BICC1: variants seen among roughly 807,000 people sequenced by gnomAD.
The protein encoded by BICC1 is BicC family RNA binding protein 1.
Under a neutral mutation model 111.0 loss-of-function variants are expected in BICC1, and 43 were observed. The ratio of observed to expected loss-of-function variants is 0.39; its 90% CI spans 0.30 to 0.50. The LOEUF is 0.50. Among genes scored for constraint, BICC1 ranks in the 20% least tolerant of loss-of-function variants. BICC1 has a pLI of 0.88. For synonymous variants in BICC1, 467 were observed against 434.4 expected (o/e 1.07, Z -0.93); for missense variants, 1,091 against 1,203.2 (o/e 0.91, Z 1.38).
chr10:58,783,369 C>T (rs1245531299), intron 3 of BICC1, among the ~76,000 whole-genome samples: 9 of 152,036 alleles, frequency 5.9e-5, no homozygotes, highest in Admixed American at 5.9e-4. Flanking sequence ...TCGTTTCCTC[C>T]CTTCTTTCCT....
intron 1 of BICC1, among the ~76,000 whole-genome samples, chr10:58,579,881 A>G (rs984123363): frequency 6.8e-3 from 19 of 2,806 alleles, no homozygotes; most frequent in South Asian, 0.12. Context: ...CATTTTTTCC[A>G]TAATAGAATA....
At chr10:58,536,575 AG>A (rs1345210461) in intron 1 of BICC1, among the ~76,000 whole-genome samples, 1 of 151,826 alleles carries the variant, frequency 6.6e-6, no homozygotes, top group African/African-American at 2.4e-5. Context: ...CAGTGTTAAG[AG>A]GCGTTTATAG....
At chr10:58,568,427 T>G (rs1294037047) in intron 1 of BICC1, among the ~76,000 whole-genome samples, 3 of 152,144 alleles carry the variant, frequency 2.0e-5, no homozygotes, top group African/African-American at 7.2e-5. Flanking sequence ...CTGGGTCACA[T>G]TTGTTCCAAG....
At chr10:58,714,463 CTGTT>C (rs918015324) in intron 3 of BICC1, among the ~76,000 whole-genome samples, 1 of 152,176 alleles carries the variant, frequency 6.6e-6, no homozygotes, top group Non-Finnish European at 1.5e-5. Flanking sequence ...GCAATTTAAA[CTGTT>C]TGTTTATTCT....
intron 1 of BICC1, among the ~76,000 whole-genome samples, chr10:58,607,341 T>TAAATAAATAAATAAATAAATAAATAAAG (rs879657768): frequency 0.011 from 1,631 of 151,780 alleles, 15 homozygotes; most frequent in South Asian, 0.031. Flanking sequence ...AATAAATAAA[T>TAAATAAATAAATAAATAAATAAATAAAG]AAAACTGTCA....
intron 1 of BICC1, among the ~76,000 whole-genome samples, chr10:58,540,395 A>C (rs564467271): frequency 1.2e-4 from 19 of 152,070 alleles, no homozygotes; most frequent in African/African-American, 4.3e-4. Flanking sequence ...AGAAGAAAAC[A>C]AAGACTCAAA....
intron 3 of BICC1, among the ~76,000 whole-genome samples, chr10:58,713,901 T>C (rs1343103460): frequency 1.3e-5 from 2 of 152,254 alleles, no homozygotes; most frequent in Admixed American, 1.3e-4. Flanking sequence ...AGGATTTTAC[T>C]GTGATTTATA....
At chr10:58,671,607 T>C (rs1284059039) in intron 2 of BICC1, among the ~76,000 whole-genome samples, 1 of 152,134 alleles carries the variant, frequency 6.6e-6, no homozygotes, top group Non-Finnish European at 1.5e-5. Context: ...TTGGGACAAA[T>C]TGGAAATTAG....
intron 1 of BICC1, among the ~76,000 whole-genome samples, chr10:58,547,131 G>A (rs1843161926): frequency 1.3e-5 from 2 of 152,170 alleles, no homozygotes; most frequent in South Asian, 4.1e-4. Context: ...TAATGAGCCA[G>A]TAATGATGCA....
At chr10:58,813,513 G>A (rs1266229775) in intron 17 of BICC1, among the ~76,000 whole-genome samples, 1 of 152,122 alleles carries the variant, frequency 6.6e-6, no homozygotes, top group African/African-American at 2.4e-5. Flanking sequence ...AAAATTGGAA[G>A]GAGTCTCAGC....
chr10:58,543,468 A>G (rs1355011968), intron 1 of BICC1, among the ~76,000 whole-genome samples: 1 of 152,056 alleles, frequency 6.6e-6, no homozygotes, highest in African/African-American at 2.4e-5. Context: ...CACTATTGTA[A>G]TGTACACTGA....
At chr10:58,608,257 G>A (rs1022806652) in intron 1 of BICC1, among the ~76,000 whole-genome samples, 8 of 152,016 alleles carry the variant, frequency 5.3e-5, no homozygotes, top group African/African-American at 1.5e-4. Flanking sequence ...CGGAACACCT[G>A]TGTGAAGAGT....
At chr10:58,625,550 A>C (rs1402651380) in intron 2 of BICC1, among the ~76,000 whole-genome samples, 1 of 152,188 alleles carries the variant, frequency 6.6e-6, no homozygotes, top group African/African-American at 2.4e-5. Context: ...TATTCTTTGA[A>C]TATATTGGAT....
At chr10:58,585,439 A>G (rs1177909189) in intron 1 of BICC1, among the ~76,000 whole-genome samples, 1 of 152,226 alleles carries the variant, frequency 6.6e-6, no homozygotes, top group Non-Finnish European at 1.5e-5. Context: ...AGTGATTTAT[A>G]CTATTTTCTG....
At chr10:58,598,269 G>T (rs10763562) in intron 1 of BICC1, among the ~76,000 whole-genome samples, 43,855 of 151,840 alleles carry the variant, frequency 0.29, 6,642 homozygotes, top group East Asian at 0.44. Flanking sequence ...ACCACAAAAC[G>T]ACAGTAACTG....
At position 58,789,761 on chromosome 10, in the gene BICC1, C is replaced by T; in HGVS notation, c.875C>T (p.Ala292Val). ...CCTGTGAGCACACAACTAGATATTGCAGCTCAACATCATCTCTTTATGATG... is the reference window on the plus strand; with the variant it reads ...CCTGTGAGCACACAACTAGATATTGTAGCTCAACATCATCTCTTTATGATG... ...AIPVSTQLDI[A>V]AQHHLFMMGR... The change falls in exon 8 of 21, where the codon GCA (alanine) becomes GTA (valine). Residue 292 changes from alanine (A) to valine (V), a missense_variant. Ala to Val is a moderately conservative substitution (Grantham distance 64). Around this residue, in one of 3 missense-constraint regions of BICC1, gnomAD observed 843 missense variants for 900.8 expected, o/e 0.94. Transcript: ENST00000373886. 6.2e-7 allele frequency: 1 copy of T among 1,614,058 alleles called. No individual in the cohort carries two copies. The highest frequency in any genetic ancestry group is 8.5e-7 in the Non-Finnish European group (1 of 1,179,960).
rs1200966692 is a variant in BICC1 at position 58,587,747 on chromosome 10, A to G, written c.191-33108A>G. 3.3e-5 allele frequency among the ~76,000 whole-genome samples: 5 copies of G among 152,228 alleles called. No homozygotes were observed. In the East Asian group the frequency reaches 7.7e-4, roughly 23 times the overall value. Reference sequence around the variant, plus strand: ...CTATTGTAGGATAAAGTGGCGGAGTAGTATAAATAGGGTTTGGCTGGCTAA... The same window carrying G: ...CTATTGTAGGATAAAGTGGCGGAGTGGTATAAATAGGGTTTGGCTGGCTAA... On this transcript the variant is annotated intron_variant, in intron 1 of 20. Coordinates refer to ENST00000373886, the MANE Select transcript of BICC1 (RefSeq NM_001080512.3).
At chr10:58,822,950 G>A (rs1844295581) in intron 20 of BICC1, among the ~76,000 whole-genome samples, 1 of 152,008 alleles carries the variant, frequency 6.6e-6, no homozygotes, top group South Asian at 2.1e-4. Context: ...TTCAGTATAA[G>A]GTTTTGTTTT....
chr10:58,621,449 C>T (rs1262413888), intron 2 of BICC1, among the ~76,000 whole-genome samples: 1 of 152,166 alleles, frequency 6.6e-6, no homozygotes, highest in East Asian at 1.9e-4. Flanking sequence ...CCAACTTATA[C>T]TGAATACCCG....
Sources: gnomAD v4.1 joint callset for allele counts (sites outside exome capture counted in the v4.1 genomes callset) on GRCh38, gnomAD v4.1.1 for gene constraint, gnomAD v4.1.1 regional missense constraint, MANE v1.5 for transcripts, NCBI Gene and HGNC (gene_info 2026-07-23, HGNC 2026-07-21) for gene names.